The following OSBPL10 variants were observed in gnomAD, a reference collection of about 807,000 sequenced individuals.
OSBPL10 encodes the protein oxysterol-binding protein-related protein 10.
A neutral mutation model predicts 81.7 loss-of-function variants in OSBPL10; 49 were observed. That is an observed-to-expected ratio of 0.60 (90% confidence interval 0.48 to 0.76). The LOEUF (loss-of-function observed/expected upper bound fraction) is 0.76, where lower values mean the gene tolerates loss of function less well. OSBPL10 is among the 30% of genes least tolerant of loss of function. The pLI is 0.00. For synonymous variants in OSBPL10, 419 were observed against 383.6 expected, an observed-to-expected ratio of 1.09 and a Z score of -1.08; for missense variants, 923 against 987.8, an observed-to-expected ratio of 0.93 and a Z score of 0.88.
intron 1 of OSBPL10, among the ~76,000 whole-genome samples, chr3:31,925,835 A>G (rs774305988): frequency 1.6e-4 from 25 of 152,196 alleles, no homozygotes; most frequent in Non-Finnish European, 3.2e-4. Context: ...AAAAATAAAA[A>G]TAATTATGCC....
intron 4 of OSBPL10, among the ~76,000 whole-genome samples, chr3:31,802,676 G>A (rs1699415269): frequency 6.6e-6 from 1 of 151,982 alleles, no homozygotes; most frequent in Non-Finnish European, 1.5e-5. Flanking sequence ...GCTCTTAGTA[G>A]GGCATTTTGT....
chr3:31,805,945 A>G (rs1239814035), intron 4 of OSBPL10, among the ~76,000 whole-genome samples: 1 of 152,190 alleles, frequency 6.6e-6, no homozygotes, highest in Non-Finnish European at 1.5e-5. Flanking sequence ...GTCTTTCTCT[A>G]CTAATTTTCA....
Position 31,780,831 on chromosome 3 carries a change from A to AC in OSBPL10, c.730-32712dup, listed in dbSNP as rs1350110041. ...AACAGTAACTTAAAAATTGCCCCCC[A>AC]CCCCCCCAAAAAACAGTCTAGGACT... On this transcript the variant is annotated intron_variant, in intron 4 of 11. Coordinates refer to ENST00000396556, the MANE Select transcript of OSBPL10 (RefSeq NM_017784.5). 4.6e-3 allele frequency among the ~76,000 whole-genome samples: 663 copies of AC among 144,994 alleles called. 8 individuals are homozygous for AC. The highest frequency in any genetic ancestry group is 0.016 in the African/African-American group (618 of 38,430).
intron 4 of OSBPL10, among the ~76,000 whole-genome samples, chr3:31,782,197 T>TA (rs540009427): frequency 6.6e-4 from 100 of 152,258 alleles, no homozygotes; most frequent in African/African-American, 2.4e-3. Context: ...TGGGATATCC[T>TA]ATTCAACAAA....
chr3:31,988,128 G>A (rs1157541631), intron 2 of OSBPL10, among the ~76,000 whole-genome samples: 5 of 152,170 alleles, frequency 3.3e-5, no homozygotes, highest in Non-Finnish European at 2.9e-5. Context: ...TGCACCTCCT[G>A]TTTCCGCCTC....
intron 3 of OSBPL10, among the ~76,000 whole-genome samples, chr3:31,874,903 G>A (rs565620550): frequency 2.0e-5 from 3 of 151,926 alleles, no homozygotes; most frequent in Non-Finnish European, 2.9e-5. Context: ...GCACAAAGAC[G>A]TCACACATTA....
In OSBPL10 at chr3:32,048,817, T is replaced by C. The variant is rs530589254; in HGVS notation, n.186-2214A>G. On this transcript the variant is annotated intron_variant and non_coding_transcript_variant, in intron 1 of 3. Coordinates refer to the OSBPL10 transcript ENST00000479173. ...GATGAGATAGGAGGTCAGCACAAGA[T>C]ACAGGTCATAAAGACTTTGCTGATA... 2.0e-5 allele frequency among the ~76,000 whole-genome samples: 3 copies of C among 152,182 alleles called. No individual in the cohort carries two copies. In the South Asian group the frequency reaches 6.2e-4, roughly 32 times the overall value.
intron 3 of OSBPL10, among the ~76,000 whole-genome samples, chr3:31,857,014 C>T (rs1348769835): frequency 6.6e-6 from 1 of 152,178 alleles, no homozygotes; most frequent in Non-Finnish European, 1.5e-5. Context: ...AAGGATCACA[C>T]CACTGCACTC....
chr3:31,919,217 T>A (rs1696843671), intron 1 of OSBPL10, among the ~76,000 whole-genome samples: 1 of 152,226 alleles, frequency 6.6e-6, no homozygotes, highest in African/African-American at 2.4e-5. Context: ...TCATGACCTT[T>A]ATAATGCTTT....
At chr3:31,834,986 A>C (rs542617113) in intron 3 of OSBPL10, among the ~76,000 whole-genome samples, 81 of 152,308 alleles carry the variant, frequency 5.3e-4, no homozygotes, top group African/African-American at 1.8e-3. Flanking sequence ...CACATAAAGC[A>C]TGTGTCATAA....
intron 1 of OSBPL10, among the ~76,000 whole-genome samples, chr3:31,956,287 G>A (rs1252285687): frequency 6.6e-6 from 1 of 152,212 alleles, no homozygotes; most frequent in Non-Finnish European, 1.5e-5. Context: ...GGGCAAAGGA[G>A]GACAAGGAGA....
chr3:31,893,168 A>G (rs537227114), intron 1 of OSBPL10, among the ~76,000 whole-genome samples: 1 of 152,366 alleles, frequency 6.6e-6, no homozygotes, highest in South Asian at 2.1e-4. Context: ...TTGACTAAAT[A>G]CCAAGTATAT....
intron 1 of OSBPL10, among the ~76,000 whole-genome samples, chr3:31,908,577 C>T (rs1344351841): frequency 6.6e-6 from 1 of 152,050 alleles, no homozygotes; most frequent in Non-Finnish European, 1.5e-5. Flanking sequence ...ACGTAAATGC[C>T]CTAATTGTGT....
Position 32,069,899 on chromosome 3 carries a change from C to A in OSBPL10, n.185+7497G>T, listed in dbSNP as rs150673335. Among the ~76,000 whole-genome samples, 14 of 152,350 alleles carry A rather than the reference C, an allele frequency of 9.2e-5. No homozygotes were observed. The East Asian group carries it at 2.5e-3, about 27-fold the overall frequency. ...AAATGCCAAAAGCCTGGCCACTGGGCCTCAGAATGCCCGCAGCCCAGGATT... is the reference window on the plus strand; with the variant it reads ...AAATGCCAAAAGCCTGGCCACTGGGACTCAGAATGCCCGCAGCCCAGGATT... On this transcript the variant is annotated intron_variant and non_coding_transcript_variant, in intron 1 of 3. Transcript: ENST00000479173.
At chr3:31,784,292 G>A (rs964056222) in intron 4 of OSBPL10, among the ~76,000 whole-genome samples, 3 of 151,938 alleles carry the variant, frequency 2.0e-5, no homozygotes, top group African/African-American at 7.3e-5. Context: ...AACTCAGGAG[G>A]CGGAGGTTGC....
chr3:31,863,803 T>G (rs953404702), intron 3 of OSBPL10, among the ~76,000 whole-genome samples: 1 of 152,020 alleles, frequency 6.6e-6, no homozygotes, highest in African/African-American at 2.4e-5. Flanking sequence ...TAAAAAAAAA[T>G]TGTTATACTT....
At chr3:31,928,075 C>T (rs936585378) in intron 1 of OSBPL10, among the ~76,000 whole-genome samples, 4 of 152,124 alleles carry the variant, frequency 2.6e-5, no homozygotes, top group Admixed American at 1.3e-4. Context: ...ATTAAACTCC[C>T]GAGGGTGAAG....
chr3:31,878,791 AAAT>A (rs2125636118), intron 2 of OSBPL10, among the ~76,000 whole-genome samples: 1 of 150,178 alleles, frequency 6.7e-6, no homozygotes, highest in African/African-American at 2.5e-5. Flanking sequence ...AGGACTTGAT[AAAT>A]AATATAGACT....
intron 2 of OSBPL10, among the ~76,000 whole-genome samples, chr3:31,997,949 C>T (rs913899099): frequency 6.6e-6 from 1 of 151,996 alleles, no homozygotes. Context: ...ACCACCGTGC[C>T]CAGCTAATTT....
Sources: allele counts gnomAD v4.1 joint callset (sites outside exome capture counted in the v4.1 genomes callset), GRCh38; gene constraint gnomAD v4.1.1; transcripts MANE v1.5; gene names NCBI Gene and HGNC (gene_info 2026-07-23, HGNC 2026-07-21).